Variants in CLEC1A observed in about 807,000 individuals in gnomAD.
CLEC1A encodes C-type lectin domain family 1 member A.
A neutral mutation model predicts 28.7 loss-of-function variants in CLEC1A; 34 were observed. The ratio of observed to expected loss-of-function variants is 1.18; its 90% CI spans 0.90 to 1.57. CLEC1A has a LOEUF of 1.57. Ranked by LOEUF, CLEC1A falls within the 40% of genes most tolerant of loss-of-function variation. The pLI, the probability that CLEC1A is intolerant of heterozygous loss-of-function variation, is 0.00. For missense variants in CLEC1A, 385 were observed against 339.5 expected (o/e 1.13, Z -1.05); for synonymous variants, 116 against 121.0 (o/e 0.96, Z 0.27).
chr12:10,083,346 AATGG>A (rs1221859415), intron 2 of CLEC1A, among the ~76,000 whole-genome samples: 1 of 152,246 alleles, frequency 6.6e-6, no homozygotes, highest in Non-Finnish European at 1.5e-5. Context: ...GCTCCCCAGC[AATGG>A]ATTCAAACCA....
chr12:10,092,558 TG>T, intron 1 of CLEC1A: 1 of 129,200 alleles, frequency 7.7e-6, no homozygotes, highest in Non-Finnish European at 1.9e-5. Context: ...AAAGTAGTAA[TG>T]AAATGAAATG....
chr12:10,069,562 C>T lies in CLEC1A; in HGVS notation c.*1771G>A, dbSNP rs1477390890. 1.3e-5 allele frequency: 2 copies of T among 152,142 alleles called. No individual in the cohort carries two copies. The highest frequency in any genetic ancestry group is 6.6e-5 in the Admixed American group (1 of 15,258). 9.4% of individuals were successfully genotyped at this position (152,142 alleles called of 1,614,324 possible). ...AGTTCACATTATGAAACTGATTTCACATTTACTTTATTTCAGCTAACAGTA... is the reference window on the plus strand; with the variant it reads ...AGTTCACATTATGAAACTGATTTCATATTTACTTTATTTCAGCTAACAGTA... On this transcript the variant is annotated 3_prime_UTR_variant, in exon 6 of 6. Coordinates refer to ENST00000315330, the MANE Select transcript of CLEC1A (RefSeq NM_016511.4).
At chr12:10,073,212 T>C (rs1866173497) in intron 5 of CLEC1A, 81 bp downstream of exon 5, 2 of 1,003,140 alleles carry the variant, frequency 2.0e-6, no homozygotes, top group Admixed American at 3.7e-5. Context: ...TAATACTTGA[T>C]GGACCAAATT....
At chr12:10,088,987 G>T in intron 2 of CLEC1A, 137 bp downstream of exon 2, 1 of 686,766 alleles carries the variant, frequency 1.5e-6, no homozygotes, top group Non-Finnish European at 2.6e-6. Context: ...TTAAATAGTT[G>T]CCATTTAAAA....
intron 3 of CLEC1A, among the ~76,000 whole-genome samples, chr12:10,080,764 T>C (rs1420583432): frequency 6.6e-6 from 1 of 152,232 alleles, no homozygotes; most frequent in Admixed American, 6.5e-5. Context: ...CTGTGGTCCT[T>C]ATTAAACTGC....
intron 3 of CLEC1A, among the ~76,000 whole-genome samples, chr12:10,078,165 A>T (rs1866293978): frequency 6.6e-6 from 1 of 152,100 alleles, no homozygotes; most frequent in Non-Finnish European, 1.5e-5. Context: ...ATTTTAACAG[A>T]ATGTAGATTA....
At chr12:10,081,049 G>A (rs1565602183) in intron 3 of CLEC1A, among the ~76,000 whole-genome samples, 188 bp downstream of exon 3, 4 of 152,138 alleles carry the variant, frequency 2.6e-5, no homozygotes, top group African/African-American at 7.2e-5. Context: ...AGAGTCCCTT[G>A]ATGCATGGTA....
intron 2 of CLEC1A, among the ~76,000 whole-genome samples, chr12:10,087,834 T>A (rs1190272182): frequency 6.6e-6 from 1 of 151,498 alleles, no homozygotes; most frequent in East Asian, 1.9e-4. Context: ...AAAAAAAATG[T>A]ATAATTTAAA....
intron 2 of CLEC1A, among the ~76,000 whole-genome samples, chr12:10,085,242 C>G (rs930286055): frequency 7.7e-6 from 1 of 129,430 alleles, no homozygotes; most frequent in Non-Finnish European, 1.7e-5. Context: ...CACACACACA[C>G]AATAAAACAA....
intron 4 of CLEC1A, among the ~76,000 whole-genome samples, chr12:10,073,792 G>A (rs1435394278): frequency 6.6e-6 from 1 of 152,102 alleles, no homozygotes; most frequent in Non-Finnish European, 1.5e-5. Context: ...AGGGAAAAGT[G>A]CAGGAATGAG....
intron 4 of CLEC1A, among the ~76,000 whole-genome samples, chr12:10,075,000 C>G (rs1378265175): frequency 1.3e-5 from 2 of 152,162 alleles, no homozygotes; most frequent in African/African-American, 4.8e-5. Context: ...CGTGTACTAA[C>G]TCAATATATG....
At chr12:10,072,297 C>T (rs140427366) in intron 5 of CLEC1A, among the ~76,000 whole-genome samples, 1 of 152,312 alleles carries the variant, frequency 6.6e-6, no homozygotes, top group East Asian at 1.9e-4. Flanking sequence ...CTTGTACAGC[C>T]TGCAGGATTG....
chr12:10,076,838 C>T (rs541885013), intron 3 of CLEC1A, among the ~76,000 whole-genome samples: 3 of 152,276 alleles, frequency 2.0e-5, no homozygotes, highest in Admixed American at 2.0e-4. Context: ...GCTTGGAGTG[C>T]TGTGCTGAAA....
At chr12:10,088,891 G>A (rs1866555440) in intron 2 of CLEC1A, among the ~76,000 whole-genome samples, 1 of 151,792 alleles carries the variant, frequency 6.6e-6, no homozygotes, top group Non-Finnish European at 1.5e-5. Context: ...CAAACAAACA[G>A]ACAAAACCCT....
chr12:10,096,228 C>T (rs1947774373), intron 1 of CLEC1A, among the ~76,000 whole-genome samples: 1 of 152,126 alleles, frequency 6.6e-6, no homozygotes, highest in African/African-American at 2.4e-5. Flanking sequence ...ATCATCTTTC[C>T]TGTCCCTTCT....
At chr12:10,081,946 T>G (rs1017651213) in intron 2 of CLEC1A, among the ~76,000 whole-genome samples, 3 of 151,892 alleles carry the variant, frequency 2.0e-5, no homozygotes, top group Non-Finnish European at 4.4e-5. Context: ...AAATATAAAA[T>G]AGATGCAAAA....
chr12:10,089,348 G>A, intron 1 of CLEC1A, 126 bp from the exon 2 acceptor site: 1 of 711,376 alleles, frequency 1.4e-6, no homozygotes, highest in South Asian at 1.7e-5. Context: ...GGTAACAGGG[G>A]CTGGATAACC....
intron 1 of CLEC1A, among the ~76,000 whole-genome samples, chr12:10,096,178 G>A (rs971391887): frequency 1.3e-5 from 2 of 152,064 alleles, no homozygotes; most frequent in Admixed American, 6.6e-5. Flanking sequence ...CCAAATGCAT[G>A]TCCCTCCTTC....
rs71049041 is a variant in CLEC1A, at chr12:10,084,003, G to GA, written c.215-2591dup. ...CAATCTGACAAAGACAAAGATAATA[G>GA]AAAAAAAAAAATGAACAAAGTCTCC... On this transcript the variant is annotated intron_variant, in intron 2 of 5. Coordinates refer to ENST00000315330, the MANE Select transcript of CLEC1A (RefSeq NM_016511.4). Among the ~76,000 whole-genome samples the GA allele has an allele frequency of 5.1e-3, 762 of 150,362 alleles. 6 individuals carry two copies. The highest frequency in any genetic ancestry group is 0.017 in the African/African-American group (703 of 40,998).
Sources: allele counts gnomAD v4.1 joint callset (sites outside exome capture counted in the v4.1 genomes callset), GRCh38; gene constraint gnomAD v4.1.1; transcripts MANE v1.5; gene names NCBI Gene and HGNC (gene_info 2026-07-23, HGNC 2026-07-21).